Variants in DPF1 observed in about 807,000 individuals in gnomAD.
The protein encoded by DPF1 is zinc finger protein neuro-d4.
Under a neutral mutation model 58.7 loss-of-function variants are expected in DPF1, and 14 were observed. The observed-to-expected ratio is 0.24, with a 90% CI of 0.16 to 0.37. DPF1 has a LOEUF of 0.37. Ranked by LOEUF, DPF1 falls within the 10% of genes least tolerant of loss-of-function variation. The pLI is 1.00. For missense variants in DPF1, 345 were observed against 529.9 expected (o/e 0.65, Z 3.43); for synonymous variants, 216 against 216.0 (o/e 1.00, Z 0.00).
chr19:38,226,297 T>TCCCCTTC (rs1967815871), upstream of DPF1, among the ~76,000 whole-genome samples: 1 of 123,234 alleles, frequency 8.1e-6, no homozygotes, highest in Non-Finnish European at 1.7e-5. Context: ...TCTCCCCCTT[T>TCCCCTTC]CCCCTTCCCC....
In DPF1 at chr19:38,229,375, G is replaced by T. The variant is rs1012809309; in HGVS notation, c.-132+184C>A. 6.6e-6 allele frequency among the ~76,000 whole-genome samples: 1 copy of T among 151,844 alleles called. No homozygotes were observed. Among genetic ancestry groups the T allele is most frequent in the Non-Finnish European group, 1.5e-5 (1 of 67,878 alleles). On this transcript the variant is annotated intron_variant, in intron 1 of 11. Coordinates refer to the DPF1 transcript ENST00000412732. This position sits in a 1 kb window ranked among gnomAD's most constrained non-coding sequence, Gnocchi z 5.3. Reference sequence around the variant, plus strand: ...GAGGCGCCCCCGCGACCCTGGAGGGGCTCCCGCCCCCAACCCCAGGGGGCG... The same window carrying T: ...GAGGCGCCCCCGCGACCCTGGAGGGTCTCCCGCCCCCAACCCCAGGGGGCG...
chr19:38,212,237 T>TGGGGGGGGGGGCGCCGCCC, intron 11 of DPF1, 43 bp downstream of exon 11: 1 of 1,256,816 alleles, frequency 8.0e-7, no homozygotes, highest in Non-Finnish European at 1.1e-6. Flanking sequence ...GGAGATGGCG[T>TGGGGGGGGGGGCGCCGCCC]TCCCACCCAC....
chr19:38,216,515 G>T (rs1056612322), intron 7 of DPF1, 112 bp from the exon 8 acceptor site: 30 of 1,279,888 alleles, frequency 2.3e-5, no homozygotes, highest in Non-Finnish European at 5.2e-6. Flanking sequence ...GAGCTGGGAA[G>T]AGTGAGTAGC....
At chr19:38,218,240 T>C (rs1967188179) in intron 5 of DPF1, among the ~76,000 whole-genome samples, 1 of 152,150 alleles carries the variant, frequency 6.6e-6, no homozygotes, top group Non-Finnish European at 1.5e-5. Flanking sequence ...GAGAAAACAG[T>C]GTCTTTTGCA....
chr19:38,218,187 G>T (rs1201259704), intron 5 of DPF1, among the ~76,000 whole-genome samples: 1 of 152,084 alleles, frequency 6.6e-6, no homozygotes, highest in South Asian at 2.1e-4. Context: ...GTGACAGAGC[G>T]AGACTCCGTC....
chr19:38,228,197 C>T (rs965473235), upstream of DPF1, among the ~76,000 whole-genome samples: 1 of 152,048 alleles, frequency 6.6e-6, no homozygotes, highest in African/African-American at 2.4e-5. Context: ...CCGCTCCCGG[C>T]ACCCTGCTCA....
upstream of DPF1, among the ~76,000 whole-genome samples, chr19:38,227,033 C>CCTTT (rs1555710764): frequency 5.9e-3 from 782 of 132,244 alleles, 3 homozygotes; most frequent in Non-Finnish European, 9.3e-3. Flanking sequence ...TTCCTTCCTT[C>CCTTT]CTTTCTTTCT....
At position 38,212,353 on chromosome 19, in the gene DPF1, C is replaced by T; in HGVS notation, c.1020G>A (p.Leu340=). Residue 340 remains leucine (L), a synonymous_variant, in exon 11 of 12, where the codon CTG becomes CTA. Transcript: ENST00000355526. The part of the protein sequence containing the change: ...LCGTSENDDQ[L]LFCDDCDRGY... ...CCCGATCGCAGTCATCACAAAACAGCAGCTGGTCCTGGGGGGTGAGACCCG... is the reference window on the plus strand; with the variant it reads ...CCCGATCGCAGTCATCACAAAACAGTAGCTGGTCCTGGGGGGTGAGACCCG... 6.8e-7 allele frequency: 1 copy of T among 1,471,310 alleles called. No homozygotes were observed. The highest frequency in any genetic ancestry group is 9.0e-7 in the Non-Finnish European group (1 of 1,112,688). The allele number at this position is 1,471,310 out of a possible 1,614,324, so 91.1% of individuals were successfully genotyped here. A position where few individuals can be genotyped will look rare whatever the true frequency, so the allele number is the denominator to read the frequency against.
chr19:38,217,689 A>C (rs2304174), intron 6 of DPF1, 98 bp from the exon 7 acceptor site: 297,546 of 1,560,028 alleles, frequency 0.19, 29,252 homozygotes, highest in African/African-American at 0.23. Flanking sequence ...TCAGCCAGAG[A>C]CCTGAGCAGC....
chr19:38,216,000 G>C, intron 9 of DPF1, 140 bp downstream of exon 9: 1 of 1,404,248 alleles, frequency 7.1e-7, no homozygotes, highest in East Asian at 2.4e-5. Flanking sequence ...CATCAGCCTC[G>C]CTAGCTCTGG....
At chr19:38,220,486 T>C (rs1200840316) in intron 3 of DPF1, among the ~76,000 whole-genome samples, 2 of 151,152 alleles carry the variant, frequency 1.3e-5, no homozygotes, top group East Asian at 2.0e-4. Context: ...CTGGGCGTAG[T>C]GGCAGGCGCC....
In DPF1 at chr19:38,217,578, C is replaced by A. The variant is rs1223534309; in HGVS notation, c.609G>T (p.Arg203=). 1 of 1,550,084 alleles carries A rather than the reference C, an allele frequency of 6.5e-7. No homozygotes were observed. The highest frequency in any genetic ancestry group is 1.4e-5 in the African/African-American group (1 of 73,112). The part of the protein sequence containing the change: ...KPYVCDICGK[R]YKNRPGLSYH... ...AGCTGAGCCCCGGCCGGTTCTTATACCGTTTCCCACAGACTGGGGAGCGAG... is the reference window on the plus strand; with the variant it reads ...AGCTGAGCCCCGGCCGGTTCTTATAACGTTTCCCACAGACTGGGGAGCGAG... Residue 203 remains arginine, a synonymous_variant, in exon 7 of 12, where the codon CGG becomes CGT. Transcript: ENST00000355526.
At chr19:38,217,768 C>T (rs750102485) in intron 6 of DPF1, 30 bp downstream of exon 6, 10 of 1,613,566 alleles carry the variant, frequency 6.2e-6, no homozygotes, top group Middle Eastern at 1.7e-4. Flanking sequence ...ACCCCTCTCT[C>T]TGCCTTTCCC....
In DPF1 at chr19:38,212,322, G is replaced by A; in HGVS notation, c.1051C>T (p.His351Tyr). The change falls in exon 11 of 12, where the codon CAC (histidine) becomes TAC (tyrosine). Residue 351 changes from histidine (H) to tyrosine (Y), a missense_variant. Transcript: ENST00000355526. The stretch of plus-strand genomic sequence containing the variant: ...ATGGGGGGACTCAGGCAGTACATGT[G>A]GTAACCCCGATCGCAGTCATCACAA... ...LFCDDCDRGY[H>Y]MYCLSPPMAE... The A allele has an allele frequency of 6.6e-7, 1 of 1,507,418 alleles. No individual in the cohort carries two copies. The highest frequency in any genetic ancestry group is 8.8e-7 in the Non-Finnish European group (1 of 1,130,320). 93.4% of individuals were successfully genotyped at this position (1,507,418 alleles called of 1,614,324 possible).
At chr19:38,221,901 G>A (rs565148395) in intron 3 of DPF1, among the ~76,000 whole-genome samples, 132 of 152,150 alleles carry the variant, frequency 8.7e-4, no homozygotes, top group Non-Finnish European at 4.7e-4. Context: ...GACCAACATG[G>A]TGAAACCCCG....
rs1015383201 is a variant in DPF1, at chr19:38,211,983, T to G, written c.*80A>C. 3 of 1,493,136 alleles carry G rather than the reference T, an allele frequency of 2.0e-6. No individual in the cohort carries two copies. The highest frequency in any genetic ancestry group is 1.9e-5 in the Admixed American group (1 of 51,534). The allele number at this position is 1,493,136 out of a possible 1,614,324, so 92.5% of individuals were successfully genotyped here. A position where few individuals can be genotyped will look rare whatever the true frequency, so the allele number is the denominator to read the frequency against. Reference sequence around the variant, plus strand: ...CCTCTCCCCCTCCCCCTGCGGGATGTTCAGGGTGGGGGAGAATTGAGGAGC... The same window carrying G: ...CCTCTCCCCCTCCCCCTGCGGGATGGTCAGGGTGGGGGAGAATTGAGGAGC... On this transcript the variant is annotated 3_prime_UTR_variant, in exon 12 of 12. Transcript: ENST00000355526. The surrounding 1 kb of genome is among the most constrained non-coding windows in gnomAD (Gnocchi z 4.0).
chr19:38,218,493 G>C, intron 5 of DPF1, 80 bp downstream of exon 5: 1 of 1,452,330 alleles, frequency 6.9e-7, no homozygotes, highest in Non-Finnish European at 9.7e-7. Flanking sequence ...GACTGTGGCA[G>C]GGGCGGACCA....
At chr19:38,212,985 G>A (rs1344998363) in intron 10 of DPF1, among the ~76,000 whole-genome samples, 1 of 143,654 alleles carries the variant, frequency 7.0e-6, no homozygotes, top group Non-Finnish European at 1.5e-5. Context: ...TTTTGTTTTT[G>A]TTTGTTTTTT....
At chr19:38,218,419 T>C (rs1028448372) in intron 5 of DPF1, among the ~76,000 whole-genome samples, 154 bp downstream of exon 5, 3 of 152,040 alleles carry the variant, frequency 2.0e-5, no homozygotes, top group African/African-American at 4.8e-5. Flanking sequence ...ATCTGTAAAA[T>C]GGGTATAAAA....
Sources: allele counts gnomAD v4.1 joint callset (sites outside exome capture counted in the v4.1 genomes callset), GRCh38; gene constraint gnomAD v4.1.1; non-coding constraint Gnocchi (gnomAD v3.1); transcripts MANE v1.5; gene names NCBI Gene and HGNC (gene_info 2026-07-23, HGNC 2026-07-21).